The following LRBA variants were observed in gnomAD, a reference collection of about 807,000 sequenced individuals.
LRBA encodes the protein lipopolysaccharide-responsive and beige-like anchor protein.
LRBA carries 176 observed loss-of-function variants against 330.0 expected under a neutral mutation model. The ratio of observed to expected loss-of-function variants is 0.53; its 90% CI spans 0.47 to 0.60. The LOEUF (loss-of-function observed/expected upper bound fraction) is 0.60, where lower values mean the gene tolerates loss of function less well. Among genes scored for constraint, LRBA ranks in the 20% least tolerant of loss-of-function variants. LRBA has a pLI of 0.00. For synonymous variants in LRBA, 1,230 were observed against 1,193.0 expected (o/e 1.03, Z -0.64); for missense variants, 3,259 against 3,444.8 (o/e 0.95, Z 1.35).
At chr4:150,715,668 A>T (rs1728093289) in intron 36 of LRBA, among the ~76,000 whole-genome samples, 1 of 152,224 alleles carries the variant, frequency 6.6e-6, no homozygotes, top group Non-Finnish European at 1.5e-5. Flanking sequence ...TGTTAGTGAA[A>T]GACTACATCA....
intron 46 of LRBA, among the ~76,000 whole-genome samples, chr4:150,434,986 T>G (rs1750919844): frequency 6.6e-6 from 1 of 151,446 alleles, no homozygotes; most frequent in Non-Finnish European, 1.5e-5. Flanking sequence ...AAAAAAACAC[T>G]CTACAACAAA....
At chr4:150,509,190 C>T (rs1296608370) in intron 40 of LRBA, among the ~76,000 whole-genome samples, 1 of 151,802 alleles carries the variant, frequency 6.6e-6, no homozygotes, top group African/African-American at 2.4e-5. Context: ...ATTAAAACAT[C>T]ACACAGTACC....
intron 35 of LRBA, among the ~76,000 whole-genome samples, chr4:150,747,604 T>C (rs1173114249): frequency 6.6e-6 from 1 of 152,220 alleles, no homozygotes; most frequent in African/African-American, 2.4e-5. Context: ...TAGGACTATA[T>C]ACAAACAGCA....
chr4:150,521,361 T>C (rs541874364), intron 40 of LRBA, among the ~76,000 whole-genome samples: 7 of 152,314 alleles, frequency 4.6e-5, no homozygotes, highest in Admixed American at 3.3e-4. Flanking sequence ...TTCACAGTTA[T>C]AGGTTTTCCT....
At position 150,599,036 on chromosome 4, in the gene LRBA, T is replaced by G; in HGVS notation, c.6017A>C (p.Glu2006Ala). The change falls in exon 38 of 57, where the codon GAA becomes GCA. Residue 2006 changes from glutamate to alanine, a missense_variant. Glu to Ala is a moderately radical substitution (Grantham distance 107). Coordinates refer to ENST00000651943, the MANE Select transcript of LRBA (RefSeq NM_001364905.1). ...VRNPLGSTHPEATLKTAVEHA... is the reference protein window; with the variant it reads ...VRNPLGSTHPAATLKTAVEHA... ...TTCCACGGCTGTTTTTAGTGTCGCT[T>G]CAGGATGTGTCGATCCTAGAGGGTT... 6.2e-7 allele frequency: 1 copy of G among 1,614,046 alleles called. No homozygotes were observed. Among genetic ancestry groups the G allele is most frequent in the South Asian group, 1.1e-5 (1 of 91,072 alleles).
Position 150,939,321 on chromosome 4 carries a change from TA to T in LRBA, c.217-10257del, listed in dbSNP as rs199917876. ...TAATCCAATATGACTGTTACCCTTA[TA>T]AAGAGGGAAAATTTGTGCTCGACAC... On this transcript the variant is annotated intron_variant, in intron 2 of 56. Transcript: ENST00000651943. Among the ~76,000 whole-genome samples the T allele has an allele frequency of 4.6e-5, 7 of 152,314 alleles. No individual in the cohort carries two copies. In the East Asian group the frequency reaches 1.4e-3, roughly 29 times the overall value.
chr4:150,848,099 C>G (rs1750097525), intron 26 of LRBA, among the ~76,000 whole-genome samples: 1 of 152,040 alleles, frequency 6.6e-6, no homozygotes, highest in Admixed American at 6.6e-5. Flanking sequence ...ACTGCAATCT[C>G]CAACTTCCAG....
chr4:150,288,061 G>A (rs1309484289), intron 53 of LRBA, among the ~76,000 whole-genome samples: 1 of 150,370 alleles, frequency 6.7e-6, no homozygotes, highest in African/African-American at 2.4e-5. Context: ...GTGCGATCTC[G>A]ACTCACTGCC....
At chr4:150,945,786 G>A (rs1430133135) in intron 2 of LRBA, among the ~76,000 whole-genome samples, 2 of 151,916 alleles carry the variant, frequency 1.3e-5, no homozygotes, top group African/African-American at 4.8e-5. Context: ...TGGTAAAAGT[G>A]AGGAATTAAG....
chr4:150,518,587 T>G (rs1212522430), intron 40 of LRBA, among the ~76,000 whole-genome samples: 1 of 152,182 alleles, frequency 6.6e-6, no homozygotes, highest in East Asian at 1.9e-4. Flanking sequence ...TATAGGTTTT[T>G]GAGAATTCTT....
chr4:150,739,745 A>G (rs1268485140), intron 35 of LRBA, among the ~76,000 whole-genome samples: 2 of 152,210 alleles, frequency 1.3e-5, no homozygotes, highest in African/African-American at 4.8e-5. Context: ...AAAGGCCTCC[A>G]TGGCAAGGAG....
At chr4:150,485,409 T>C (rs899043555) in intron 42 of LRBA, among the ~76,000 whole-genome samples, 1 of 151,992 alleles carries the variant, frequency 6.6e-6, no homozygotes, top group Non-Finnish European at 1.5e-5. Flanking sequence ...ATGGGTTGAC[T>C]TATGACTCCT....
intron 47 of LRBA, among the ~76,000 whole-genome samples, chr4:150,360,677 A>C (rs1430176932): frequency 6.6e-6 from 1 of 152,232 alleles, no homozygotes; most frequent in Non-Finnish European, 1.5e-5. Flanking sequence ...ACAAAGTACG[A>C]AGTAACTGCC....
At chr4:150,567,123 T>C (rs1239730128) in intron 40 of LRBA, among the ~76,000 whole-genome samples, 1 of 152,152 alleles carries the variant, frequency 6.6e-6, no homozygotes, top group Non-Finnish European at 1.5e-5. Context: ...TTCCTGACTA[T>C]ATAACATTGT....
At chr4:150,732,283 CAG>C (rs1161327689) in intron 36 of LRBA, among the ~76,000 whole-genome samples, 1 of 151,912 alleles carries the variant, frequency 6.6e-6, no homozygotes, top group African/African-American at 2.4e-5. Context: ...TAATTCCTAA[CAG>C]ATATATTCAC....
intron 48 of LRBA, among the ~76,000 whole-genome samples, chr4:150,348,906 G>C (rs575954362): frequency 6.6e-6 from 1 of 152,196 alleles, no homozygotes; most frequent in South Asian, 2.1e-4. Flanking sequence ...ACAGTCAATT[G>C]ATGTTCTGAT....
Position 150,665,616 on chromosome 4 carries a change from A to G in LRBA, c.5921+17935T>C, listed in dbSNP as rs1049876584. On this transcript the variant is annotated intron_variant, in intron 37 of 56. Coordinates refer to ENST00000651943, the MANE Select transcript of LRBA (RefSeq NM_001364905.1). ...TCTATTCTTATAATGTGCCTATTCCAGAATGTCATACAAATGGAATCAATC... is the reference window on the plus strand; with the variant it reads ...TCTATTCTTATAATGTGCCTATTCCGGAATGTCATACAAATGGAATCAATC... Among the ~76,000 whole-genome samples the G allele has an allele frequency of 7.2e-5, 11 of 152,236 alleles. 1 individual carries two copies. The highest frequency in any genetic ancestry group is 1.9e-4 in the African/African-American group (8 of 41,458).
intron 4 of LRBA, among the ~76,000 whole-genome samples, chr4:150,924,766 A>AT (rs1344194821): frequency 6.6e-6 from 1 of 152,228 alleles, no homozygotes; most frequent in Non-Finnish European, 1.5e-5. Context: ...CCTTGCTCTC[A>AT]TTTTATAAAT....
At chr4:150,441,002 A>C (rs1279464739) in intron 44 of LRBA, among the ~76,000 whole-genome samples, 1 of 152,180 alleles carries the variant, frequency 6.6e-6, no homozygotes, top group African/African-American at 2.4e-5. Flanking sequence ...TGGTTTTGTA[A>C]GAAGACTGCA....
Sources: gnomAD v4.1 joint callset for allele counts (sites outside exome capture counted in the v4.1 genomes callset) on GRCh38, gnomAD v4.1.1 for gene constraint, MANE v1.5 for transcripts, NCBI Gene and HGNC (gene_info 2026-07-23, HGNC 2026-07-21) for gene names.